Variants in LHFPL3 observed in about 807,000 individuals in gnomAD.
LHFPL3 encodes LHFPL tetraspan subfamily member 3.
In LHFPL3, 5 loss-of-function variants were observed where a neutral mutation model predicts 19.3. The observed-to-expected ratio is 0.26, with a 90% CI of 0.14 to 0.54. The LOEUF (loss-of-function observed/expected upper bound fraction) is 0.54. Ranked by LOEUF, LHFPL3 falls within the 20% of genes least tolerant of loss-of-function variation. The pLI is 0.94. For synonymous variants in LHFPL3, 133 were observed against 126.2 expected, an observed-to-expected ratio of 1.05 and a Z score of -0.36; for missense variants, 249 against 307.4, an observed-to-expected ratio of 0.81 and a Z score of 1.42.
chr7:104,507,982 G>C (rs1793733532), intron 1 of LHFPL3, among the ~76,000 whole-genome samples: 1 of 136,282 alleles, frequency 7.3e-6, no homozygotes, highest in African/African-American at 2.8e-5. Context: ...AGGATGTGGA[G>C]AAATAGGAAC....
At chr7:104,333,205 T>C (rs1346474294) in intron 1 of LHFPL3, among the ~76,000 whole-genome samples, 1 of 152,238 alleles carries the variant, frequency 6.6e-6, no homozygotes, top group South Asian at 2.1e-4. Context: ...CTATAAGCCA[T>C]ACCTTGAATT....
At chr7:104,497,067 G>A (rs553979805) in intron 1 of LHFPL3, among the ~76,000 whole-genome samples, 1 of 152,146 alleles carries the variant, frequency 6.6e-6, no homozygotes, top group South Asian at 2.1e-4. Flanking sequence ...ATCATTCCTT[G>A]GACTATATGC....
intron 1 of LHFPL3, among the ~76,000 whole-genome samples, chr7:104,384,436 G>A (rs1790893098): frequency 6.6e-6 from 1 of 152,094 alleles, no homozygotes; most frequent in Non-Finnish European, 1.5e-5. Context: ...TTGGGTCAGA[G>A]CAGCTATCTG....
At chr7:104,383,960 T>C (rs149553486) in intron 1 of LHFPL3, among the ~76,000 whole-genome samples, 78 of 152,304 alleles carry the variant, frequency 5.1e-4, no homozygotes, top group African/African-American at 1.8e-3. Flanking sequence ...GAGAATATCT[T>C]GTGAATCCTG....
At chr7:104,813,614 G>A (rs1432942441) in intron 2 of LHFPL3, among the ~76,000 whole-genome samples, 1 of 152,186 alleles carries the variant, frequency 6.6e-6, no homozygotes, top group South Asian at 2.1e-4. Context: ...TGAGTGTAGG[G>A]TCCAGCCACT....
chr7:104,843,487 T>C (rs1407835493), intron 2 of LHFPL3, among the ~76,000 whole-genome samples: 3 of 152,274 alleles, frequency 2.0e-5, no homozygotes, highest in Non-Finnish European at 4.4e-5. Flanking sequence ...TCTTCCTCTC[T>C]GTATTCCATC....
intron 1 of LHFPL3, among the ~76,000 whole-genome samples, chr7:104,602,758 T>C (rs1243641884): frequency 6.6e-6 from 1 of 152,212 alleles, no homozygotes. Flanking sequence ...AGAAATGTAT[T>C]TGGCTCATGT....
chr7:104,630,087 G>C (rs1224717961), intron 1 of LHFPL3, among the ~76,000 whole-genome samples: 1 of 152,156 alleles, frequency 6.6e-6, no homozygotes, highest in Non-Finnish European at 1.5e-5. Context: ...AAGAAATATA[G>C]GAGAAATAAA....
intron 1 of LHFPL3, among the ~76,000 whole-genome samples, chr7:104,477,838 G>A (rs1793054059): frequency 6.6e-6 from 1 of 152,164 alleles, no homozygotes; most frequent in Non-Finnish European, 1.5e-5. Context: ...GTTTCACTGA[G>A]GAAGTAGCAC....
At chr7:104,397,703 A>C (rs1331470138) in intron 1 of LHFPL3, among the ~76,000 whole-genome samples, 1 of 152,200 alleles carries the variant, frequency 6.6e-6, no homozygotes, top group Non-Finnish European at 1.5e-5. Context: ...CTGAGTATTT[A>C]TTTACTACAT....
rs892940960 is a variant in LHFPL3, at chr7:104,590,810, C to A, written c.446-145865C>A. On this transcript the variant is annotated intron_variant, in intron 1 of 2. Coordinates refer to ENST00000424859, the MANE Select transcript of LHFPL3 (RefSeq NM_199000.3). Reference sequence around the variant, plus strand: ...ATCTGGGTGCTCTTGTATTGGGTGCCTATATATTTAGGATAGTTAGCTCTT... The same window carrying A: ...ATCTGGGTGCTCTTGTATTGGGTGCATATATATTTAGGATAGTTAGCTCTT... 2.0e-5 allele frequency among the ~76,000 whole-genome samples: 3 copies of A among 152,148 alleles called. No individual in the cohort carries two copies. In the South Asian group the frequency reaches 6.2e-4, roughly 32 times the overall value.
chr7:104,423,196 G>T (rs1291585191), intron 1 of LHFPL3, among the ~76,000 whole-genome samples: 1 of 152,194 alleles, frequency 6.6e-6, no homozygotes, highest in African/African-American at 2.4e-5. Flanking sequence ...GATGCAAGTT[G>T]TAAGCCTCAC....
chr7:104,603,167 CTTT>C (rs1241564391), intron 1 of LHFPL3, among the ~76,000 whole-genome samples: 193 of 6,488 alleles, frequency 0.03, no homozygotes, highest in South Asian at 0.2. Flanking sequence ...TCCTTCCTTT[CTTT>C]CTTTCTTTCT....
chr7:104,481,544 G>T (rs1793135464), intron 1 of LHFPL3, among the ~76,000 whole-genome samples: 1 of 151,924 alleles, frequency 6.6e-6, no homozygotes. Flanking sequence ...CTCCCTGCAT[G>T]GGTGGTCTCC....
chr7:104,462,874 T>C (rs1049835731), intron 1 of LHFPL3, among the ~76,000 whole-genome samples: 3 of 151,602 alleles, frequency 2.0e-5, no homozygotes, highest in Non-Finnish European at 4.4e-5. Context: ...GGTCCTGGGG[T>C]TTTTTTTGGT....
At chr7:104,820,454 G>T (rs1476634198) in intron 2 of LHFPL3, among the ~76,000 whole-genome samples, 1 of 152,180 alleles carries the variant, frequency 6.6e-6, no homozygotes, top group Admixed American at 6.5e-5. Flanking sequence ...CAGAGGCAGA[G>T]ATTATGTTGG....
chr7:104,667,273 GA>G (rs202229431), intron 1 of LHFPL3, among the ~76,000 whole-genome samples: 11 of 151,264 alleles, frequency 7.3e-5, no homozygotes, highest in African/African-American at 4.9e-5. Context: ...TTGGGGGGGG[GA>G]ATCTTTAATT....
At chr7:104,835,958 G>A (rs367601854) in intron 2 of LHFPL3, among the ~76,000 whole-genome samples, 2 of 151,796 alleles carry the variant, frequency 1.3e-5, no homozygotes, top group East Asian at 3.9e-4. Context: ...ATAAATAAAC[G>A]TAAAAGGCAA....
At chr7:104,551,252 T>C (rs1311537678) in intron 1 of LHFPL3, among the ~76,000 whole-genome samples, 2 of 152,220 alleles carry the variant, frequency 1.3e-5, no homozygotes, top group Non-Finnish European at 2.9e-5. Context: ...TTCTTTGAGC[T>C]TAGGGAAAAG....
Sources: gnomAD v4.1 joint callset for allele counts (sites outside exome capture counted in the v4.1 genomes callset) on GRCh38, gnomAD v4.1.1 for gene constraint, MANE v1.5 for transcripts, NCBI Gene and HGNC (gene_info 2026-07-23, HGNC 2026-07-21) for gene names.